PARP15: variants seen among roughly 807,000 people sequenced by gnomAD.
PARP15 encodes protein mono-ADP-ribosyltransferase PARP15.
Under a neutral mutation model 62.1 loss-of-function variants are expected in PARP15, and 50 were observed. That is an observed-to-expected ratio of 0.81 (90% CI 0.64 to 1.02). The LOEUF (loss-of-function observed/expected upper bound fraction) is 1.02. Ranked by LOEUF, PARP15 falls within the 50% of genes least tolerant of loss-of-function variation. The probability of loss-of-function intolerance (pLI) is 0.00; values close to 1 mark genes in which losing one functional copy is unlikely to be tolerated. For synonymous variants in PARP15, 309 were observed against 293.1 expected, an observed-to-expected ratio of 1.05 and a Z score of -0.55; for missense variants, 820 against 826.5, an observed-to-expected ratio of 0.99 and a Z score of 0.10.
chr3:122,614,994 C>CACT, intron 4 of PARP15: 5 of 846,348 alleles, frequency 5.9e-6, no homozygotes, highest in Non-Finnish European at 7.0e-6. Flanking sequence ...CATGCCACTG[C>CACT]ACTCCAGCCT....
rs1937464144 is a variant in PARP15, at chr3:122,638,196, T to C, written c.*2096T>C. 6.6e-6 allele frequency: 1 copy of C among 152,140 alleles called. No individual in the cohort carries two copies. The highest frequency in any genetic ancestry group is 1.5e-5 in the Non-Finnish European group (1 of 68,032). The allele number at this position is 152,140 out of a possible 1,614,324, so 9.4% of individuals were successfully genotyped here. A position where few individuals can be genotyped will look rare whatever the true frequency, so the allele number is the denominator to read the frequency against. ...TGCCACATTTTCTTAATCCAGTCTA[T>C]CATTGTTGGACATTTGGGTTGGTTC... On this transcript the variant is annotated 3_prime_UTR_variant, in exon 12 of 12. Coordinates refer to ENST00000464300, the MANE Select transcript of PARP15 (RefSeq NM_001113523.3).
At chr3:122,613,316 C>A (rs142320919) in intron 4 of PARP15, 48 bp downstream of exon 4, 221 of 1,409,842 alleles carry the variant, frequency 1.6e-4, no homozygotes, top group Non-Finnish European at 2.0e-4. Context: ...TGAACCCAAG[C>A]GCATTCAGAT....
chr3:122,602,852 G>A (rs1286217065), intron 1 of PARP15, among the ~76,000 whole-genome samples: 3 of 152,184 alleles, frequency 2.0e-5, no homozygotes, highest in African/African-American at 7.2e-5. Context: ...TGTTCCATTA[G>A]TTGAGGATTA....
intron 2 of PARP15, among the ~76,000 whole-genome samples, chr3:122,607,425 C>T (rs956279336): frequency 6.6e-6 from 1 of 152,142 alleles, no homozygotes; most frequent in African/African-American, 2.4e-5. Context: ...TCTCAGAGTT[C>T]TTATCTATAA....
intron 8 of PARP15, among the ~76,000 whole-genome samples, 165 bp downstream of exon 8, chr3:122,621,776 G>A (rs1230562153): frequency 6.6e-6 from 1 of 152,060 alleles, no homozygotes; most frequent in Non-Finnish European, 1.5e-5. Flanking sequence ...CCAGCTACTG[G>A]GCCGAAGCCT....
At chr3:122,620,186 G>A (rs1936250612) in intron 7 of PARP15, among the ~76,000 whole-genome samples, 1 of 152,194 alleles carries the variant, frequency 6.6e-6, no homozygotes, top group African/African-American at 2.4e-5. Context: ...CTACTAATAA[G>A]TAGTGTGGGA....
intron 8 of PARP15, among the ~76,000 whole-genome samples, chr3:122,624,605 A>T (rs1160953590): frequency 6.6e-6 from 1 of 152,172 alleles, no homozygotes; most frequent in East Asian, 1.9e-4. Flanking sequence ...TGGTTATATG[A>T]CTTAGTAAAA....
At chr3:122,585,072 A>G (rs1223216218) in intron 1 of PARP15, among the ~76,000 whole-genome samples, 1 of 152,170 alleles carries the variant, frequency 6.6e-6, no homozygotes, top group Non-Finnish European at 1.5e-5. Context: ...CTAGTGCTTT[A>G]AACATTGATC....
chr3:122,621,586 G>T lies in PARP15; in HGVS notation c.1206G>T (p.Ser402=). 2 of 1,599,172 alleles carry T rather than the reference G, an allele frequency of 1.3e-6. No homozygotes were observed. Among genetic ancestry groups the T allele is most frequent in the African/African-American group, 2.7e-5 (2 of 74,058 alleles). ...AGTGTGAACAGAGGAAGTACACATC[G>T]GTTTCCCTTCCAGCCATTGGAACAG... The part of the protein sequence containing the change: ...LEECEQRKYT[S]VSLPAIGTGN... The change falls in exon 8 of 12, where the codon TCG becomes TCT. Residue 402 remains serine, a synonymous_variant. Coordinates refer to ENST00000464300, the MANE Select transcript of PARP15 (RefSeq NM_001113523.3).
At chr3:122,602,812 A>G (rs1045307762) in intron 1 of PARP15, among the ~76,000 whole-genome samples, 1 of 152,240 alleles carries the variant, frequency 6.6e-6, no homozygotes, top group Non-Finnish European at 1.5e-5. Flanking sequence ...ATAAAACTTT[A>G]TGGCTAAGTA....
rs547187893 is a variant in PARP15, at chr3:122,621,209, G to T, written c.1064-235G>T. The T allele has an allele frequency of 3.2e-5, 14 of 434,162 alleles. No homozygotes were observed. In the South Asian group the frequency reaches 4.4e-4, roughly 14 times the overall value. The allele number at this position is 434,162 out of a possible 1,614,324, so 26.9% of individuals were successfully genotyped here. A position where few individuals can be genotyped will look rare whatever the true frequency, so the allele number is the denominator to read the frequency against. ...TTTGAGGATTGAGCAGATTGATGCA[G>T]ATAAAGTACTTTTGAACAGCACCCC... On this transcript the variant is annotated intron_variant, in intron 7 of 11. Coordinates refer to ENST00000464300, the MANE Select transcript of PARP15 (RefSeq NM_001113523.3).
intron 1 of PARP15, among the ~76,000 whole-genome samples, chr3:122,583,878 G>C (rs1260891630): frequency 6.6e-6 from 1 of 152,154 alleles, no homozygotes; most frequent in African/African-American, 2.4e-5. Flanking sequence ...CTCCTCTCCA[G>C]TACTCTGACT....
intron 1 of PARP15, among the ~76,000 whole-genome samples, chr3:122,588,079 A>G (rs1933594503): frequency 6.6e-6 from 1 of 152,200 alleles, no homozygotes; most frequent in African/African-American, 2.4e-5. Context: ...AAGTATAGCA[A>G]GCCAAGTTCC....
intron 1 of PARP15, among the ~76,000 whole-genome samples, chr3:122,604,298 T>A (rs557512964): frequency 6.6e-6 from 1 of 152,360 alleles, no homozygotes; most frequent in Non-Finnish European, 1.5e-5. Context: ...TCTAAAATTC[T>A]ATGATCGATT....
intron 4 of PARP15, chr3:122,615,535 C>CTGACTGTGG: frequency 9.1e-7 from 1 of 1,102,826 alleles, no homozygotes; most frequent in Non-Finnish European, 1.3e-6. Flanking sequence ...ACAGTCAGCA[C>CTGACTGTGG]CCCTGCTGAC....
chr3:122,607,512 T>G (rs1317796669), intron 2 of PARP15, among the ~76,000 whole-genome samples: 1 of 152,202 alleles, frequency 6.6e-6, no homozygotes, highest in African/African-American at 2.4e-5. Context: ...TCCCCTGCCT[T>G]GCACATAATA....
At chr3:122,581,062 T>C (rs2080793169) in intron 1 of PARP15, among the ~76,000 whole-genome samples, 1 of 152,170 alleles carries the variant, frequency 6.6e-6, no homozygotes, top group Admixed American at 6.5e-5. Flanking sequence ...AGCCTAAGTG[T>C]ATAGTAGGCT....
chr3:122,626,957 T>C lies in PARP15; in HGVS notation c.1362T>C (p.Asn454=), dbSNP rs767697197. Residue 454 remains asparagine, a synonymous_variant, in exon 9 of 12, where the codon AAT becomes AAC. Transcript: ENST00000464300. ...KVVIFQPELL[N]IFYDSMKKRD... The stretch of plus-strand genomic sequence containing the variant: ...TCATTTTTCAACCTGAGCTGCTAAA[T>C]ATATTCTACGACAGCATGAAAAAAA... 13 of 1,613,916 alleles carry C rather than the reference T, an allele frequency of 8.1e-6. No homozygotes were observed. Among genetic ancestry groups the C allele is most frequent in the Non-Finnish European group, 1.1e-5 (13 of 1,179,984 alleles).
At chr3:122,589,240 C>G (rs1240932253) in intron 1 of PARP15, among the ~76,000 whole-genome samples, 1 of 152,174 alleles carries the variant, frequency 6.6e-6, no homozygotes, top group East Asian at 1.9e-4. Flanking sequence ...GTCCCTTCAT[C>G]TTCTTATATT....
Sources: gnomAD v4.1 joint callset for allele counts (sites outside exome capture counted in the v4.1 genomes callset) on GRCh38, gnomAD v4.1.1 for gene constraint, MANE v1.5 for transcripts, NCBI Gene and HGNC (gene_info 2026-07-23, HGNC 2026-07-21) for gene names.